The following PHKB variants were observed in gnomAD, a reference collection of about 807,000 sequenced individuals.
The protein encoded by PHKB is phosphorylase b kinase regulatory subunit beta.
PHKB carries 122 observed loss-of-function variants against 152.1 expected under a neutral mutation model. That is an observed-to-expected ratio of 0.80 (90% confidence interval 0.69 to 0.93). The LOEUF (loss-of-function observed/expected upper bound fraction) is 0.93, where lower values mean the gene tolerates loss of function less well. PHKB is among the 40% of genes least tolerant of loss of function. The probability of loss-of-function intolerance (pLI) is 0.00; values close to 1 mark genes in which losing one functional copy is unlikely to be tolerated. For synonymous variants in PHKB, 436 were observed against 464.9 expected (o/e 0.94, Z 0.80); for missense variants, 1,304 against 1,328.4 (o/e 0.98, Z 0.29).
chr16:47,604,118 T>C (rs1972282666), intron 13 of PHKB, among the ~76,000 whole-genome samples: 1 of 152,232 alleles, frequency 6.6e-6, no homozygotes, highest in African/African-American at 2.4e-5. Context: ...ATTCTGACTA[T>C]TAGAAACATA....
chr16:47,681,026 T>C (rs1973843591), intron 26 of PHKB, among the ~76,000 whole-genome samples: 2 of 152,220 alleles, frequency 1.3e-5, no homozygotes, highest in Non-Finnish European at 1.5e-5. Context: ...TTTTGTTATT[T>C]ACCCAGTAGT....
chr16:47,547,211 G>A lies in PHKB; in HGVS notation c.595-222G>A, dbSNP rs558846002. Among the ~76,000 whole-genome samples the A allele has an allele frequency of 6.6e-5, 10 of 152,144 alleles. No individual in the cohort carries two copies. In the South Asian group the frequency reaches 1.0e-3, roughly 16 times the overall value. On this transcript the variant is annotated intron_variant, in intron 6 of 30. Transcript: ENST00000323584. ...TTGATCATGCTGGGAGCTGAAGACC[G>A]GAGCTGTTCGTATTCGGCTGTCTTG...
chr16:47,565,696 T>C, intron 7 of PHKB: 2 of 1,415,370 alleles, frequency 1.4e-6, no homozygotes, highest in Non-Finnish European at 9.9e-7. Context: ...CTTTGCCAGT[T>C]TGGGTGTCTC....
chr16:47,677,879 A>G (rs1324571669), intron 26 of PHKB, among the ~76,000 whole-genome samples: 1 of 149,062 alleles, frequency 6.7e-6, no homozygotes. Flanking sequence ...TTAACTCGTC[A>G]TTTAGCATTA....
At chr16:47,509,830 A>G (rs1970479516) in intron 4 of PHKB, among the ~76,000 whole-genome samples, 1 of 150,386 alleles carries the variant, frequency 6.6e-6, no homozygotes. Flanking sequence ...GGGTATATAC[A>G]GTTTGTTGCA....
At chr16:47,606,852 T>C (rs535158795) in intron 13 of PHKB, among the ~76,000 whole-genome samples, 137 of 152,282 alleles carry the variant, frequency 9.0e-4, no homozygotes, top group Middle Eastern at 6.8e-3. Flanking sequence ...ACCACAGACT[T>C]AGTGCCTTCC....
At chr16:47,472,520 C>A (rs1444008410) in intron 1 of PHKB, among the ~76,000 whole-genome samples, 1 of 152,072 alleles carries the variant, frequency 6.6e-6, no homozygotes, top group Non-Finnish European at 1.5e-5. Flanking sequence ...CGGTGGCTCA[C>A]GCCTGTAATC....
chr16:47,565,243 C>G, intron 7 of PHKB: 1 of 687,636 alleles, frequency 1.5e-6, no homozygotes, highest in Non-Finnish European at 2.8e-6. Context: ...TCCTATCTGA[C>G]TCCGTTCAGT....
At chr16:47,470,645 T>G (rs1263962948) in intron 1 of PHKB, among the ~76,000 whole-genome samples, 6 of 152,186 alleles carry the variant, frequency 3.9e-5, no homozygotes, top group African/African-American at 1.4e-4. Flanking sequence ...TAAAGTAACT[T>G]ACTTAAAGTC....
chr16:47,552,963 A>C (rs1379598263), intron 7 of PHKB, among the ~76,000 whole-genome samples: 2 of 152,160 alleles, frequency 1.3e-5, no homozygotes, highest in Non-Finnish European at 2.9e-5. Flanking sequence ...GGCTGCCCTT[A>C]ACATTTTTTC....
intron 6 of PHKB, among the ~76,000 whole-genome samples, chr16:47,520,302 T>C (rs1193120969): frequency 1.3e-5 from 2 of 152,232 alleles, no homozygotes; most frequent in Non-Finnish European, 2.9e-5. Flanking sequence ...ATAGAACTTA[T>C]GTGCTGTCAC....
At chr16:47,542,082 C>T (rs1208491671) in intron 6 of PHKB, among the ~76,000 whole-genome samples, 2 of 152,110 alleles carry the variant, frequency 1.3e-5, no homozygotes, top group Non-Finnish European at 2.9e-5. Context: ...ATGCCTATGT[C>T]CTGAATGGTA....
At chr16:47,696,618 C>T in intron 29 of PHKB, 130 bp downstream of exon 29, 1 of 707,144 alleles carries the variant, frequency 1.4e-6, no homozygotes, top group Non-Finnish European at 2.6e-6. Flanking sequence ...CCTGTGAGAC[C>T]CAGAACCCTA....
At chr16:47,661,941 A>C in intron 23 of PHKB, 141 bp downstream of exon 23, 1 of 706,048 alleles carries the variant, frequency 1.4e-6, no homozygotes, top group Non-Finnish European at 2.6e-6. Context: ...TTGAATGGAA[A>C]ATGTTCATTC....
chr16:47,521,204 C>T (rs1381347788), intron 6 of PHKB, among the ~76,000 whole-genome samples: 1 of 152,086 alleles, frequency 6.6e-6, no homozygotes, highest in Non-Finnish European at 1.5e-5. Flanking sequence ...TAATAGTTTA[C>T]TTCTTCATAT....
At chr16:47,633,742 C>G (rs1271048760) in intron 14 of PHKB, among the ~76,000 whole-genome samples, 1 of 152,186 alleles carries the variant, frequency 6.6e-6, no homozygotes, top group Non-Finnish European at 1.5e-5. Context: ...GGGAGACCAA[C>G]AGGGAACAGC....
chr16:47,594,280 A>T (rs1272614054), intron 12 of PHKB, 66 bp downstream of exon 12: 2 of 820,672 alleles, frequency 2.4e-6, no homozygotes, highest in Non-Finnish European at 2.1e-6. Context: ...GAAATGTATA[A>T]GTGAGTCCTT....
intron 1 of PHKB, among the ~76,000 whole-genome samples, chr16:47,479,994 C>T (rs999030442): frequency 1.3e-5 from 2 of 152,134 alleles, no homozygotes; most frequent in Non-Finnish European, 2.9e-5. Flanking sequence ...CATTGCTGTA[C>T]ATTGCTATAA....
Position 47,660,570 on chromosome 16 carries a change from A to G in PHKB, c.2033+3A>G, listed in dbSNP as rs1485979827. ...CTACGAATCAGTGACACAGAAGAGT[A>G]AGTCCCTTTGGGTTATTTCATTTTT... On this transcript the variant is annotated splice_donor_region_variant and intron_variant, in intron 21 of 30. Coordinates refer to ENST00000323584, the MANE Select transcript of PHKB (RefSeq NM_000293.3). The G allele has an allele frequency of 6.2e-7, 1 of 1,612,908 alleles. No individual in the cohort carries two copies. The highest frequency in any genetic ancestry group is 8.5e-7 in the Non-Finnish European group (1 of 1,178,886).
Sources: gnomAD v4.1 joint callset for allele counts (sites outside exome capture counted in the v4.1 genomes callset) on GRCh38, gnomAD v4.1.1 for gene constraint, MANE v1.5 for transcripts, NCBI Gene and HGNC (gene_info 2026-07-23, HGNC 2026-07-21) for gene names.